The following HES4 variants were observed in gnomAD, a reference collection of about 807,000 sequenced individuals.
The protein encoded by HES4 is hes family bHLH transcription factor 4, also known as transcription factor HES-4.
Under a neutral mutation model 10.7 loss-of-function variants are expected in HES4, and 17 were observed. That is an observed-to-expected ratio of 1.59 (90% confidence interval 1.09 to 2.38). The LOEUF is 2.38. Ranked by LOEUF, HES4 falls within the 30% of genes most tolerant of loss-of-function variation. HES4 has a pLI of 0.00. For synonymous variants in HES4, 189 were observed against 159.7 expected, an observed-to-expected ratio of 1.18 and a Z score of -1.38; for missense variants, 389 against 332.1, an observed-to-expected ratio of 1.17 and a Z score of -1.33.
In HES4 at chr1:999,083, C is replaced by A; in HGVS notation, c.642G>T (p.Gly214=). The change falls in exon 4 of 4, where the codon GGG becomes GGT. Residue 214 remains glycine, a synonymous_variant. Coordinates refer to ENST00000304952, the MANE Select transcript of HES4 (RefSeq NM_021170.4). ...APRAGPQGPG[G]PWRPWLR ...CTCAGCGCAGCCACGGCCTCCAGGGCCCACCCGGGCCCTGCGGCCCCGCCC... is the reference window on the plus strand; with the variant it reads ...CTCAGCGCAGCCACGGCCTCCAGGGACCACCCGGGCCCTGCGGCCCCGCCC... 1.6e-6 allele frequency: 2 copies of A among 1,239,020 alleles called. No individual in the cohort carries two copies. Among genetic ancestry groups the A allele is most frequent in the Non-Finnish European group, 2.0e-6 (2 of 990,848 alleles). 76.8% of individuals were successfully genotyped at this position (1,239,020 alleles called of 1,614,324 possible).
Position 1,000,025 on chromosome 1 carries a change from G to T in HES4, c.-52C>A, listed in dbSNP as rs1276372832. 1 of 1,232,400 alleles carries T rather than the reference G, an allele frequency of 8.1e-7. No individual in the cohort carries two copies. Among genetic ancestry groups the T allele is most frequent in the South Asian group, 3.2e-5 (1 of 31,270 alleles). The allele number at this position is 1,232,400 out of a possible 1,614,324, so 76.3% of individuals were successfully genotyped here. ...GGTGGAGCGCGCCGCCACGGACCAC[G>T]GGCGGGCTGGCGGGCGAGCGGCGAG... On this transcript the variant is annotated 5_prime_UTR_variant, in exon 1 of 4. Coordinates refer to ENST00000304952, the MANE Select transcript of HES4 (RefSeq NM_021170.4).
At position 998,979 on chromosome 1, in the gene HES4, G is replaced by A. The variant is rs1460335855; in HGVS notation, c.*80C>T. 6.9e-6 allele frequency: 8 copies of A among 1,163,290 alleles called. No individual in the cohort carries two copies. Among genetic ancestry groups the A allele is most frequent in the Non-Finnish European group, 8.7e-6 (8 of 914,520 alleles). 72.1% of individuals were successfully genotyped at this position (1,163,290 alleles called of 1,614,324 possible). Reference sequence around the variant, plus strand: ...ACGCAGACTCTGGAATAATAAATACGTTTTCTCTGCTACAGTCTCGGCAAA... The same window carrying A: ...ACGCAGACTCTGGAATAATAAATACATTTTCTCTGCTACAGTCTCGGCAAA... On this transcript the variant is annotated 3_prime_UTR_variant, in exon 4 of 4. Transcript: ENST00000304952.
rs199599342 is a variant in HES4, at chr1:999,391, C to G, written c.334G>C (p.Ala112Pro). 889 of 1,507,926 alleles carry G rather than the reference C, an allele frequency of 5.9e-4. No homozygotes were observed. The highest frequency in any genetic ancestry group is 7.3e-4 in the Non-Finnish European group (836 of 1,140,748). 93.4% of individuals were successfully genotyped at this position (1,507,926 alleles called of 1,614,324 possible). A position where few individuals can be genotyped will look rare whatever the true frequency, so the allele number is the denominator to read the frequency against. ...TCCGCCAGACACTCGTGGAAGCCGG[C>G]GCGGTACTTGCCCAGAACGGCGGGG... ...ADPAVLGKYR[A>P]GFHECLAEVN... Residue 112 changes from alanine (A) to proline (P), a missense_variant, in exon 4 of 4, where the codon GCC (alanine) becomes CCC (proline). Coordinates refer to ENST00000304952, the MANE Select transcript of HES4 (RefSeq NM_021170.4).
At chr1:999,480 C>A in intron 3 of HES4, 46 bp downstream of exon 3, 1 of 1,559,158 alleles carries the variant, frequency 6.4e-7, no homozygotes, top group Non-Finnish European at 8.6e-7. Flanking sequence ...TCCCGGGGGT[C>A]CCGCGCCCTC....
chr1:999,822 T>A, intron 1 of HES4, 35 bp from the exon 2 acceptor site: 1 of 1,604,196 alleles, frequency 6.2e-7, no homozygotes, highest in Non-Finnish European at 8.5e-7. Context: ...CCCGCGTCCC[T>A]CCCGCCCCCC....
rs943479977 is a variant in HES4, at chr1:999,994, G to A, written c.-21C>T. ...GCCATGGTGCGCCCCGCGCCTCCCC[G>A]TGCCGGGTGGAGCGCGCCGCCACGG... is the stretch of plus-strand genomic sequence containing the variant. On this transcript the variant is annotated 5_prime_UTR_variant, in exon 1 of 4. In the 5' UTR this introduces an upstream ATG that the reference lacks. Coordinates refer to ENST00000304952, the MANE Select transcript of HES4 (RefSeq NM_021170.4). The A allele has an allele frequency of 4.4e-6, 6 of 1,364,296 alleles. No individual in the cohort carries two copies. In the East Asian group the frequency reaches 9.7e-5, roughly 22 times the overall value. 84.5% of individuals were successfully genotyped at this position (1,364,296 alleles called of 1,614,324 possible).
In HES4 at chr1:999,027, G is replaced by T. The variant is rs1643978365; in HGVS notation, c.*32C>A. 7.9e-7 allele frequency: 1 copy of T among 1,261,804 alleles called. No homozygotes were observed. The highest frequency in any genetic ancestry group is 1.0e-6 in the Non-Finnish European group (1 of 999,700). 78.2% of individuals were successfully genotyped at this position (1,261,804 alleles called of 1,614,324 possible). The stretch of plus-strand genomic sequence containing the variant: ...AAAGGCCACGGCCCTAGAACGGGGC[G>T]CCGCCTCCGATGCAGTCTCAGGGCC... On this transcript the variant is annotated 3_prime_UTR_variant, in exon 4 of 4. Coordinates refer to ENST00000304952, the MANE Select transcript of HES4 (RefSeq NM_021170.4).
At position 1,000,042 on chromosome 1, in the gene HES4, AGCGGCGAGCGC is replaced by A. The variant is rs1240247654; in HGVS notation, c.-80_-70del. 5.9e-5 allele frequency: 69 copies of A among 1,177,250 alleles called. No homozygotes were observed. The highest frequency in any genetic ancestry group is 6.8e-5 in the Non-Finnish European group (65 of 952,312). 72.9% of individuals were successfully genotyped at this position (1,177,250 alleles called of 1,614,324 possible). On this transcript the variant is annotated 5_prime_UTR_variant, in exon 1 of 4. Transcript: ENST00000304952. ...CGGACCACGGGCGGGCTGGCGGGCG[AGCGGCGAGCGC>A]GCGGCGATCCGAGCCCCTAGGGCGG...
chr1:999,948 G>T lies in HES4; in HGVS notation c.26C>A (p.Pro9Gln). 2.1e-6 allele frequency: 3 copies of T among 1,453,800 alleles called. No homozygotes were observed. Among genetic ancestry groups the T allele is most frequent in the Non-Finnish European group, 2.7e-6 (3 of 1,113,396 alleles). 90.1% of individuals were successfully genotyped at this position (1,453,800 alleles called of 1,614,324 possible). Residue 9 changes from proline (P) to glutamine (Q), a missense_variant, in exon 1 of 4, where the codon CCG becomes CAG. By Grantham distance (76) the Pro-to-Gln change is moderately conservative. Coordinates refer to ENST00000304952, the MANE Select transcript of HES4 (RefSeq NM_021170.4). ...CGCTCCTGCCATCGGCGAGGCGCTC[G>T]GTTTCCCCGGCGTGTCTGCGGCCAT... is the stretch of plus-strand genomic sequence containing the variant. MAADTPGK[P>Q]SASPMAGAPA...
chr1:999,995 T>TG lies in HES4; in HGVS notation c.-23dup, dbSNP rs1363498780. The TG allele has an allele frequency of 1.5e-6, 2 of 1,363,942 alleles. No individual in the cohort carries two copies. The highest frequency in any genetic ancestry group is 1.9e-6 in the Non-Finnish European group (2 of 1,065,630). 84.5% of individuals were successfully genotyped at this position (1,363,942 alleles called of 1,614,324 possible). A position where few individuals can be genotyped will look rare whatever the true frequency, so the allele number is the denominator to read the frequency against. ...CCATGGTGCGCCCCGCGCCTCCCCG[T>TG]GCCGGGTGGAGCGCGCCGCCACGGA... On this transcript the variant is annotated 5_prime_UTR_variant, in exon 1 of 4. Transcript: ENST00000304952.
Position 999,399 on chromosome 1 carries a change from T to C in HES4, c.326A>G (p.Lys109Arg). ...ACACTCGTGGAAGCCGGCGCGGTACTTGCCCAGAACGGCGGGGTCGGCGCT... is the reference window on the plus strand; with the variant it reads ...ACACTCGTGGAAGCCGGCGCGGTACCTGCCCAGAACGGCGGGGTCGGCGCT... ...ALSADPAVLG[K>R]YRAGFHECLA... The change falls in exon 4 of 4, where the codon AAG becomes AGG. Residue 109 changes from lysine to arginine, a missense_variant. Lys to Arg is a conservative substitution (Grantham distance 26). Coordinates refer to ENST00000304952, the MANE Select transcript of HES4 (RefSeq NM_021170.4). The C allele has an allele frequency of 2.0e-6, 3 of 1,516,798 alleles. No homozygotes were observed. Among genetic ancestry groups the C allele is most frequent in the Non-Finnish European group, 2.6e-6 (3 of 1,145,614 alleles). The allele number at this position is 1,516,798 out of a possible 1,614,324, so 94.0% of individuals were successfully genotyped here. A position where few individuals can be genotyped will look rare whatever the true frequency, so the allele number is the denominator to read the frequency against.
chr1:999,448 A>G lies in HES4; in HGVS notation c.293-16T>C. On this transcript the variant is annotated splice_polypyrimidine_tract_variant and intron_variant, in intron 3 of 3. Transcript: ENST00000304952. ...CTGAGCGCGGCTGCGGGAGCGACAC[A>G]GGAGGAGAGGTCGGTGCCGGGTCCC... 1 of 1,547,058 alleles carries G rather than the reference A, an allele frequency of 6.5e-7. No homozygotes were observed. Among genetic ancestry groups the G allele is most frequent in the Non-Finnish European group, 8.6e-7 (1 of 1,158,886 alleles).
chr1:999,951 T>TA lies in HES4; in HGVS notation c.22_23insT (p.Lys8IlefsTer44), dbSNP rs1265192748. The TA allele has an allele frequency of 5.1e-5, 74 of 1,451,436 alleles. No homozygotes were observed. The highest frequency in any genetic ancestry group is 6.3e-5 in the Non-Finnish European group (70 of 1,112,524). The allele number at this position is 1,451,436 out of a possible 1,614,324, so 89.9% of individuals were successfully genotyped here. ...TCCTGCCATCGGCGAGGCGCTCGGT[T>TA]TCCCCGGCGTGTCTGCGGCCATGGT... On this transcript the variant is annotated frameshift_variant, in exon 1 of 4. Transcript: ENST00000304952. LOFTEE classifies it high-confidence loss of function.
chr1:999,118 CG>C lies in HES4; in HGVS notation c.606del (p.Ala203ProfsTer43). 1 of 1,214,642 alleles carries C rather than the reference CG, an allele frequency of 8.2e-7. No homozygotes were observed. Among genetic ancestry groups the C allele is most frequent in the Non-Finnish European group, 1.0e-6 (1 of 977,162 alleles). The allele number at this position is 1,214,642 out of a possible 1,614,324, so 75.2% of individuals were successfully genotyped here. A position where few individuals can be genotyped will look rare whatever the true frequency, so the allele number is the denominator to read the frequency against. ...PLLPGLTRALPAAPRAGPQGP... is the reference protein window; with the variant it reads ...PLLPGLTRALXAAPRAGPQGP... Reference sequence around the variant, plus strand: ...CCCTGCGGCCCCGCCCTGGGGGCGGCGGGCAGCGCCCGGGTCAGACCCGGCA... The same window carrying C: ...CCCTGCGGCCCCGCCCTGGGGGCGGCGGCAGCGCCCGGGTCAGACCCGGCA... On this transcript the variant is annotated frameshift_variant, in exon 4 of 4. Coordinates refer to ENST00000304952, the MANE Select transcript of HES4 (RefSeq NM_021170.4). LOFTEE classifies it low-confidence loss of function (END_TRUNC).
In HES4 at chr1:999,560, T is replaced by A. The variant is rs369900342; in HGVS notation, c.258A>T (p.Arg86Ser). 131 of 1,606,498 alleles carry A rather than the reference T, an allele frequency of 8.2e-5. No individual in the cohort carries two copies. The highest frequency in any genetic ancestry group is 1.0e-4 in the Non-Finnish European group (122 of 1,177,526). The change falls in exon 3 of 4, where the codon AGA becomes AGT. Residue 86 changes from arginine (R) to serine (S), a missense_variant. Coordinates refer to ENST00000304952, the MANE Select transcript of HES4 (RefSeq NM_021170.4). ...GCACGCGACGCAGGCTCCGCAGGTG[T>A]CTCACGGTCATCTCCAGGATGTCCG... ...EKADILEMTV[R>S]HLRSLRRVQV...
Position 1,000,008 on chromosome 1 carries a change from G to C in HES4, c.-35C>G. 10 of 1,328,996 alleles carry C rather than the reference G, an allele frequency of 7.5e-6. No homozygotes were observed. The highest frequency in any genetic ancestry group is 9.6e-6 in the Non-Finnish European group (10 of 1,045,376). The allele number at this position is 1,328,996 out of a possible 1,614,324, so 82.3% of individuals were successfully genotyped here. On this transcript the variant is annotated 5_prime_UTR_variant, in exon 1 of 4. Coordinates refer to ENST00000304952, the MANE Select transcript of HES4 (RefSeq NM_021170.4). ...CGCGCCTCCCCGTGCCGGGTGGAGC[G>C]CGCCGCCACGGACCACGGGCGGGCT... is the stretch of plus-strand genomic sequence containing the variant.
In HES4 at chr1:999,271, G is replaced by A. The variant is rs1309562741; in HGVS notation, c.454C>T (p.Pro152Ser). ...GACAGCGAGGCCGGGCGGCGGGAGG[G>A]TCCCAGCTGGCGCAGGCAGGCTGCC... is the stretch of plus-strand genomic sequence containing the variant. Reference protein sequence around the residue: ...HLAACLRQLGPSRRPASLSPA... With the variant: ...HLAACLRQLGSSRRPASLSPA... Residue 152 changes from proline to serine, a missense_variant, in exon 4 of 4, where the codon CCC becomes TCC. By Grantham distance (74) the Pro-to-Ser change is moderately conservative. Transcript: ENST00000304952. 9 of 1,446,342 alleles carry A rather than the reference G, an allele frequency of 6.2e-6. No homozygotes were observed. In the East Asian group the frequency reaches 2.4e-4, roughly 39 times the overall value. The allele number at this position is 1,446,342 out of a possible 1,614,324, so 89.6% of individuals were successfully genotyped here. A position where few individuals can be genotyped will look rare whatever the true frequency, so the allele number is the denominator to read the frequency against.
Position 999,931 on chromosome 1 carries a change from C to T in HES4, c.43G>A (p.Ala15Thr), listed in dbSNP as rs1274442748. 2 of 1,460,494 alleles carry T rather than the reference C, an allele frequency of 1.4e-6. No homozygotes were observed. Among genetic ancestry groups the T allele is most frequent in the Non-Finnish European group, 1.8e-6 (2 of 1,116,140 alleles). 90.5% of individuals were successfully genotyped at this position (1,460,494 alleles called of 1,614,324 possible). A position where few individuals can be genotyped will look rare whatever the true frequency, so the allele number is the denominator to read the frequency against. Residue 15 changes from alanine (A) to threonine (T), a missense_variant, in exon 1 of 4, where the codon GCA becomes ACA. Ala to Thr is a moderately conservative substitution (Grantham distance 58). Transcript: ENST00000304952. ...TPGKPSASPMAGAPASASRTP... is the reference protein window; with the variant it reads ...TPGKPSASPMTGAPASASRTP... The stretch of plus-strand genomic sequence containing the variant: ...CGGCTGGCGCTGGCCGGCGCTCCTG[C>T]CATCGGCGAGGCGCTCGGTTTCCCC...
rs1397515727 is a variant in HES4 at position 999,803 on chromosome 1, C to T, written c.109-16G>A. On this transcript the variant is annotated splice_polypyrimidine_tract_variant and intron_variant, in intron 1 of 3. Transcript: ENST00000304952. ...GCTTGGAGGACTGCGGGTCGGGCACCGGCTGAGTCCCGCGTCCCTCCCGCC... is the reference window on the plus strand; with the variant it reads ...GCTTGGAGGACTGCGGGTCGGGCACTGGCTGAGTCCCGCGTCCCTCCCGCC... 2.5e-6 allele frequency: 4 copies of T among 1,609,002 alleles called. No individual in the cohort carries two copies. The highest frequency in any genetic ancestry group is 1.3e-5 in the African/African-American group (1 of 74,404).
Sources: allele counts gnomAD v4.1 joint callset, GRCh38; gene constraint gnomAD v4.1.1; transcripts MANE v1.5; gene names NCBI Gene and HGNC (gene_info 2026-07-23, HGNC 2026-07-21).